The following ADSS1 variants were observed in gnomAD, a reference collection of about 807,000 sequenced individuals.
The protein encoded by ADSS1 is adenylosuccinate synthetase isozyme 1.
A neutral mutation model predicts 59.1 loss-of-function variants in ADSS1; 57 were observed. That is an observed-to-expected ratio of 0.97 (90% CI 0.78 to 1.20). The LOEUF is 1.20. Ranked by LOEUF, ADSS1 falls within the 50% of genes most tolerant of loss-of-function variation. The pLI is 0.00. For missense variants in ADSS1, 603 were observed against 610.3 expected, an observed-to-expected ratio of 0.99 and a Z score of 0.13; for synonymous variants, 247 against 249.4, an observed-to-expected ratio of 0.99 and a Z score of 0.09.
At chr14:104,729,415 G>T (rs1157817253) in intron 1 of ADSS1, among the ~76,000 whole-genome samples, 2 of 152,226 alleles carry the variant, frequency 1.3e-5, no homozygotes, top group Admixed American at 6.5e-5. Flanking sequence ...GGGCAGTGTG[G>T]AGGTGAGGAG....
chr14:104,739,005 C>T (rs574711995), intron 3 of ADSS1, among the ~76,000 whole-genome samples: 16 of 152,350 alleles, frequency 1.1e-4, no homozygotes, highest in African/African-American at 3.8e-4. Context: ...GGGCAGGTCA[C>T]CTTCAGAGTG....
Position 104,740,978 on chromosome 14 carries a change from G to A in ADSS1, c.666+58G>A, listed in dbSNP as rs1301426350. The A allele has an allele frequency of 1.2e-6, 2 of 1,608,490 alleles. No homozygotes were observed. The highest frequency in any genetic ancestry group is 1.7e-6 in the Non-Finnish European group (2 of 1,175,602). On this transcript the variant is annotated intron_variant, in intron 7 of 12. Coordinates refer to ENST00000330877, the MANE Select transcript of ADSS1 (RefSeq NM_152328.5). The surrounding 1 kb of genome is among the most constrained non-coding windows in gnomAD (Gnocchi z 4.8). ...AAGTGCTCCTCCAGGGAGGCTGGATGTCCTACCTGGTGCTCGTTGAACACC... is the reference window on the plus strand; with the variant it reads ...AAGTGCTCCTCCAGGGAGGCTGGATATCCTACCTGGTGCTCGTTGAACACC...
intron 10 of ADSS1, chr14:104,744,275 AGAGAT>A (rs1226496522): frequency 1.3e-5 from 2 of 154,226 alleles, no homozygotes; most frequent in African/African-American, 4.8e-5. Flanking sequence ...TTGGAAAGGC[AGAGAT>A]GAGGTGCAGG....
intron 4 of ADSS1, 178 bp downstream of exon 4, chr14:104,739,556 G>T: frequency 1.1e-6 from 1 of 911,568 alleles, no homozygotes; most frequent in East Asian, 2.6e-5. Flanking sequence ...GCTGGGTCAG[G>T]GGTCACTAGC....
intron 1 of ADSS1, chr14:104,730,131 G>A (rs1890868341): frequency 6.5e-7 from 1 of 1,547,490 alleles, no homozygotes; most frequent in Non-Finnish European, 8.7e-7. Context: ...GCTTGGAGGA[G>A]CCACGGGTCA....
At chr14:104,727,288 C>G (rs1285617708) in intron 1 of ADSS1, among the ~76,000 whole-genome samples, 1 of 152,180 alleles carries the variant, frequency 6.6e-6, no homozygotes, top group Non-Finnish European at 1.5e-5. Context: ...CTTCTCCAGG[C>G]TGAGCCTACA....
At chr14:104,742,562 G>T (rs1339523267) in intron 9 of ADSS1, among the ~76,000 whole-genome samples, 2 of 152,244 alleles carry the variant, frequency 1.3e-5, no homozygotes, top group Non-Finnish European at 2.9e-5. Context: ...GTGACCCTTG[G>T]TAGGGCAAGG....
At chr14:104,737,052 G>A (rs894039831) in intron 2 of ADSS1, 12 of 151,656 alleles carry the variant, frequency 7.9e-5, no homozygotes, top group Admixed American at 6.6e-5. Context: ...CCACCAGAGC[G>A]GTGCATTTGT....
intron 1 of ADSS1, among the ~76,000 whole-genome samples, chr14:104,725,144 GC>G (rs1890683060): frequency 6.6e-6 from 1 of 152,146 alleles, no homozygotes; most frequent in Non-Finnish European, 1.5e-5. Flanking sequence ...CACCGAGGAG[GC>G]CAGACCTGCT....
At chr14:104,746,840 A>T (rs1891579078) in intron 12 of ADSS1, 111 bp from the exon 13 acceptor site, 1 of 1,123,900 alleles carries the variant, frequency 8.9e-7, no homozygotes, top group South Asian at 1.4e-5. Context: ...TTGGAGAGAA[A>T]ATAGCCCCTT....
At chr14:104,737,654 G>C (rs1239884513) in intron 2 of ADSS1, 1 of 152,424 alleles carries the variant, frequency 6.6e-6, no homozygotes, top group Non-Finnish European at 1.5e-5. Context: ...TTCACACACT[G>C]AAATGCTGAA....
intron 3 of ADSS1, 115 bp downstream of exon 3, chr14:104,738,553 C>G: frequency 8.3e-7 from 1 of 1,205,138 alleles, no homozygotes; most frequent in Non-Finnish European, 1.2e-6. Flanking sequence ...GGGTGGGTTC[C>G]CAACATAGCT....
chr14:104,742,681 G>A (rs1566802113), intron 9 of ADSS1, among the ~76,000 whole-genome samples: 1 of 152,220 alleles, frequency 6.6e-6, no homozygotes. Context: ...GATACATATC[G>A]GGAGATACAC....
In ADSS1 at chr14:104,741,921, G is replaced by T. The variant is rs766041366; in HGVS notation, c.867G>T (p.Gln289His). ...GCACGGGCCTGGGCATCCCCCCGCA[G>T]AACATAGGTGACGTGTATGGCGTGG... Reference protein sequence around the residue: ...GVCTGLGIPPQNIGDVYGVVK... With the variant: ...GVCTGLGIPPHNIGDVYGVVK... The change falls in exon 9 of 13, where the codon CAG (glutamine) becomes CAT (histidine). Residue 289 changes from glutamine (Q) to histidine (H), a missense_variant. By Grantham distance (24) the Gln-to-His change is conservative (BLOSUM62 0). Coordinates refer to ENST00000330877, the MANE Select transcript of ADSS1 (RefSeq NM_152328.5). 2 of 1,613,520 alleles carry T rather than the reference G, an allele frequency of 1.2e-6. No individual in the cohort carries two copies. The highest frequency in any genetic ancestry group is 1.1e-5 in the South Asian group (1 of 91,090).
intron 1 of ADSS1, chr14:104,730,040 C>T (rs1295685447): frequency 6.3e-7 from 1 of 1,578,094 alleles, no homozygotes; most frequent in Admixed American, 1.8e-5. Context: ...ACTGAGTGGC[C>T]ACTCCGTGCC....
chr14:104,743,176 T>A lies in ADSS1; in HGVS notation c.1058T>A (p.Val353Asp). Residue 353 changes from valine (V) to aspartate (D), a missense_variant, in exon 10 of 13, where the codon GTC (valine) becomes GAC (aspartate). Physicochemically the swap from Val to Asp is radical, Grantham distance 152. Coordinates refer to ENST00000330877, the MANE Select transcript of ADSS1 (RefSeq NM_152328.5). ...ATGATTCTAAGATATGCTCACATGG[T>A]CAACGGATTCACTGCGTAAGCAACC... Reference protein sequence around the residue: ...DLMILRYAHMVNGFTALALTK... With the variant: ...DLMILRYAHMDNGFTALALTK... The A allele has an allele frequency of 6.2e-7, 1 of 1,611,362 alleles. No homozygotes were observed. The highest frequency in any genetic ancestry group is 8.5e-7 in the Non-Finnish European group (1 of 1,179,952).
intron 2 of ADSS1, chr14:104,738,024 C>T (rs112083940): frequency 9.8e-5 from 23 of 235,046 alleles, no homozygotes; most frequent in East Asian, 1.2e-4. Flanking sequence ...TTTTTTGAGA[C>T]GGAGTCTCGC....
At chr14:104,746,108 C>T in intron 11 of ADSS1, 128 bp from the exon 12 acceptor site, 1 of 1,290,980 alleles carries the variant, frequency 7.7e-7, no homozygotes, top group Non-Finnish European at 1.1e-6. Flanking sequence ...TGCCCACTTG[C>T]TGCCTTCCTT....
intron 3 of ADSS1, 144 bp from the exon 4 acceptor site, chr14:104,739,184 C>A: frequency 1.3e-6 from 1 of 785,260 alleles, no homozygotes; most frequent in Non-Finnish European, 2.1e-6. Context: ...CCGCTTGCTG[C>A]GCAACAGAGG....
Sources: allele counts gnomAD v4.1 joint callset (sites outside exome capture counted in the v4.1 genomes callset), GRCh38; gene constraint gnomAD v4.1.1; non-coding constraint Gnocchi (gnomAD v3.1); transcripts MANE v1.5; gene names NCBI Gene and HGNC (gene_info 2026-07-23, HGNC 2026-07-21).